Variants in BRINP1 observed in about 807,000 individuals in gnomAD.
BRINP1 encodes the protein BMP/retinoic acid-inducible neural-specific protein 1.
Under a neutral mutation model 72.9 loss-of-function variants are expected in BRINP1, and 17 were observed. The ratio of observed to expected loss-of-function variants is 0.23; its 90% CI spans 0.16 to 0.35. BRINP1 has a LOEUF of 0.35. Ranked by LOEUF, BRINP1 falls within the 10% of genes least tolerant of loss-of-function variation. The pLI, the probability that BRINP1 is intolerant of heterozygous loss-of-function variation, is 1.00. For missense variants in BRINP1, 850 were observed against 1,001.6 expected, an observed-to-expected ratio of 0.85 and a Z score of 2.04; for synonymous variants, 418 against 378.5, an observed-to-expected ratio of 1.10 and a Z score of -1.21.
At position 119,357,716 on chromosome 9, in the gene BRINP1, C is replaced by T. The variant is rs184985965; in HGVS notation, c.-51+11340G>A. Reference sequence around the variant, plus strand: ...CTTCCAGTGGCACCATTTATAACATCTCCTGGAATATGAAAGATGGATGCC... The same window carrying T: ...CTTCCAGTGGCACCATTTATAACATTTCCTGGAATATGAAAGATGGATGCC... On this transcript the variant is annotated intron_variant, in intron 1 of 7. Coordinates refer to ENST00000265922, the MANE Select transcript of BRINP1 (RefSeq NM_014618.3). Among the ~76,000 whole-genome samples the T allele has an allele frequency of 4.6e-5, 7 of 152,290 alleles. No homozygotes were observed. In the East Asian group the frequency reaches 1.4e-3, roughly 29 times the overall value.
intron 2 of BRINP1, among the ~76,000 whole-genome samples, chr9:119,251,645 G>C (rs1189367963): frequency 2.0e-5 from 3 of 150,970 alleles, no homozygotes; most frequent in Non-Finnish European, 4.4e-5. Flanking sequence ...GAAAAGTCAG[G>C]AACAGTGAGC....
intron 1 of BRINP1, among the ~76,000 whole-genome samples, chr9:119,361,353 C>T (rs1002888437): frequency 1.1e-4 from 16 of 152,288 alleles, no homozygotes; most frequent in African/African-American, 3.8e-4. Flanking sequence ...GGCAGTCTTT[C>T]TGGGCTGCTG....
chr9:119,356,753 C>T lies in BRINP1; in HGVS notation c.-51+12303G>A, dbSNP rs776714119. On this transcript the variant is annotated intron_variant, in intron 1 of 7. Coordinates refer to ENST00000265922, the MANE Select transcript of BRINP1 (RefSeq NM_014618.3). ...CTGGGAGGCGGAGGTTGCAGTAAACCGAGATCGCACCATTGCACTCCAGCC... is the reference window on the plus strand; with the variant it reads ...CTGGGAGGCGGAGGTTGCAGTAAACTGAGATCGCACCATTGCACTCCAGCC... 1.9e-4 allele frequency among the ~76,000 whole-genome samples: 29 copies of T among 149,912 alleles called. No homozygotes were observed. The South Asian group carries it at 4.4e-3, about 23-fold the overall frequency.
At chr9:119,365,664 C>T (rs192845256) in intron 1 of BRINP1, among the ~76,000 whole-genome samples, 10 of 152,240 alleles carry the variant, frequency 6.6e-5, no homozygotes, top group Non-Finnish European at 1.2e-4. Context: ...CTTGCAAGCA[C>T]TAAGAAAGAG....
chr9:119,171,498 T>G (rs1008859363), intron 7 of BRINP1, among the ~76,000 whole-genome samples: 3 of 151,174 alleles, frequency 2.0e-5, no homozygotes, highest in African/African-American at 7.3e-5. Flanking sequence ...CCGAGTGACT[T>G]ACAAAGAGAC....
At chr9:119,354,614 C>A (rs1006497198) in intron 1 of BRINP1, among the ~76,000 whole-genome samples, 1 of 152,004 alleles carries the variant, frequency 6.6e-6, no homozygotes, top group African/African-American at 2.4e-5. Flanking sequence ...AATCCCAGCA[C>A]TTTGGGAGGT....
In BRINP1 at chr9:119,167,564, A is replaced by G. The variant is rs756474063; in HGVS notation, c.1806T>C (p.Leu602=). The change falls in exon 8 of 8, where the codon CTT becomes CTC. Residue 602 remains leucine, a synonymous_variant. Transcript: ENST00000265922. This position sits in a 1 kb window ranked among gnomAD's most constrained non-coding sequence, Gnocchi z 4.3. ...ATGTTTTCCACCGATTGCCCAGCAA[A>G]AGAGTCCAGTTGTAGCACTGGCTGT... is the stretch of plus-strand genomic sequence containing the variant. The part of the protein sequence containing the change: ...LQNSQCYNWT[L]LLGNRWKTFF... 1.9e-6 allele frequency: 3 copies of G among 1,614,168 alleles called. No individual in the cohort carries two copies. The highest frequency in any genetic ancestry group is 8.5e-7 in the Non-Finnish European group (1 of 1,180,022).
chr9:119,260,011 C>T (rs1830481963), intron 2 of BRINP1, among the ~76,000 whole-genome samples: 1 of 152,206 alleles, frequency 6.6e-6, no homozygotes, highest in Admixed American at 6.5e-5. Flanking sequence ...TCCACATTCT[C>T]AGCTAGACCC....
intron 7 of BRINP1, among the ~76,000 whole-genome samples, chr9:119,169,016 T>TAAAG (rs1470725042): frequency 1.3e-5 from 2 of 152,160 alleles, no homozygotes; most frequent in Non-Finnish European, 2.9e-5. Flanking sequence ...CATTCTACTA[T>TAAAG]AAAGACATGT....
intron 2 of BRINP1, among the ~76,000 whole-genome samples, chr9:119,269,131 G>C (rs906543030): frequency 6.6e-6 from 1 of 152,140 alleles, no homozygotes; most frequent in Non-Finnish European, 1.5e-5. Context: ...GCCACACAGA[G>C]GTGCTCATAA....
intron 2 of BRINP1, among the ~76,000 whole-genome samples, chr9:119,310,784 A>C (rs1271170766): frequency 6.6e-6 from 1 of 152,172 alleles, no homozygotes; most frequent in Non-Finnish European, 1.5e-5. Context: ...GAAGACAGGC[A>C]CAATGGAAAC....
At chr9:119,200,127 A>G (rs975522936) in intron 7 of BRINP1, among the ~76,000 whole-genome samples, 1 of 152,246 alleles carries the variant, frequency 6.6e-6, no homozygotes, top group Non-Finnish European at 1.5e-5. Context: ...GCAGAAGATT[A>G]TATCAACATG....
chr9:119,352,764 T>C (rs1364956030), intron 1 of BRINP1, among the ~76,000 whole-genome samples: 1 of 152,230 alleles, frequency 6.6e-6, no homozygotes, highest in Non-Finnish European at 1.5e-5. Flanking sequence ...CTGACTGAAT[T>C]TTTATTGTTC....
chr9:119,179,665 C>T (rs562608489), intron 7 of BRINP1, among the ~76,000 whole-genome samples: 4 of 152,260 alleles, frequency 2.6e-5, no homozygotes, highest in South Asian at 4.2e-4. Context: ...TTTATCCCAC[C>T]GATGAGGGCA....
At chr9:119,349,842 A>C (rs1244699906) in intron 1 of BRINP1, among the ~76,000 whole-genome samples, 4 of 152,186 alleles carry the variant, frequency 2.6e-5, no homozygotes, top group Non-Finnish European at 5.9e-5. Flanking sequence ...CTCTGTTCCT[A>C]TGTGACACTG....
intron 7 of BRINP1, among the ~76,000 whole-genome samples, chr9:119,198,922 C>A (rs964693121): frequency 1.3e-5 from 2 of 152,128 alleles, no homozygotes; most frequent in African/African-American, 4.8e-5. Flanking sequence ...ATCTGCTAGC[C>A]TCGGCCTCCC....
In BRINP1 at chr9:119,208,195, C is replaced by T. The variant is rs181284401; in HGVS notation, c.1145+524G>A. On this transcript the variant is annotated intron_variant, in intron 7 of 7. Coordinates refer to ENST00000265922, the MANE Select transcript of BRINP1 (RefSeq NM_014618.3). ...AGCCAGGCACTGAAGGTGACACTCT[C>T]TCAGGTGAGGACCCTGCACTCAATG... Among the ~76,000 whole-genome samples, 348 of 152,258 alleles carry T rather than the reference C, an allele frequency of 2.3e-3. 7 individuals are homozygous for T. The highest frequency in any genetic ancestry group is 6.9e-4 in the Non-Finnish European group (47 of 68,024).
At chr9:119,346,771 T>C (rs183088758) in intron 1 of BRINP1, among the ~76,000 whole-genome samples, 1 of 150,634 alleles carries the variant, frequency 6.6e-6, no homozygotes, top group Admixed American at 6.6e-5. Context: ...TCTATGGTGT[T>C]TCCTTCAAGG....
At chr9:119,274,333 G>T (rs905535398) in intron 2 of BRINP1, among the ~76,000 whole-genome samples, 2 of 152,198 alleles carry the variant, frequency 1.3e-5, no homozygotes, top group African/African-American at 4.8e-5. Flanking sequence ...CAGGACCCTG[G>T]GGTGTGAGGA....
Sources: allele counts gnomAD v4.1 joint callset (sites outside exome capture counted in the v4.1 genomes callset), GRCh38; gene constraint gnomAD v4.1.1; non-coding constraint Gnocchi (gnomAD v3.1); transcripts MANE v1.5; gene names NCBI Gene and HGNC (gene_info 2026-07-23, HGNC 2026-07-21).